The following MAP3K21 variants were observed in gnomAD, a reference collection of about 807,000 sequenced individuals.
The protein encoded by MAP3K21 is mitogen-activated protein kinase kinase kinase 21, also known as mitogen-activated protein kinase kinase kinase MLK4.
A neutral mutation model predicts 86.1 loss-of-function variants in MAP3K21; 63 were observed. The observed-to-expected ratio is 0.73, with a 90% CI of 0.60 to 0.90. The LOEUF is 0.90. MAP3K21 is among the 40% of genes least tolerant of loss of function. The pLI is 0.00. For synonymous variants in MAP3K21, 558 were observed against 564.8 expected (o/e 0.99, Z 0.17); for missense variants, 1,220 against 1,367.7 (o/e 0.89, Z 1.70).
chr1:233,358,001 C>G (rs970039231), intron 4 of MAP3K21, among the ~76,000 whole-genome samples: 3 of 151,870 alleles, frequency 2.0e-5, no homozygotes, highest in Admixed American at 6.6e-5. Flanking sequence ...CCCTCACCCC[C>G]CACCAGGAAC....
intron 4 of MAP3K21, among the ~76,000 whole-genome samples, chr1:233,358,423 AC>A (rs1663403927): frequency 6.7e-6 from 1 of 149,784 alleles, no homozygotes; most frequent in Non-Finnish European, 1.5e-5. Flanking sequence ...TTTCTTGGAA[AC>A]TTTTATGCAC....
In MAP3K21 at chr1:233,379,620, C is replaced by A. The variant is rs1338553845; in HGVS notation, c.2614C>A (p.Gln872Lys). The change falls in exon 9 of 10, where the codon CAG becomes AAG. Residue 872 changes from glutamine (Q) to lysine (K), a missense_variant. Transcript: ENST00000366624. ...AAACTTGCCGTCTTCCTTCCTACAG[C>A]AGACATGTGGGAATGTACCTTACTG... ...SRNLPSSFLQ[Q>K]TCGNVPYCAS... 6.2e-7 allele frequency: 1 copy of A among 1,613,542 alleles called. No individual in the cohort carries two copies. The highest frequency in any genetic ancestry group is 1.3e-5 in the African/African-American group (1 of 74,932).
chr1:233,378,161 T>C lies in MAP3K21; in HGVS notation c.1925-770T>C, dbSNP rs182561804. ...CATGTTTAGGTATACTAGGATGTAG[T>C]GTTGGAAAAAATTAGAGATGTTATT... On this transcript the variant is annotated intron_variant, in intron 8 of 9. Transcript: ENST00000366624. Among the ~76,000 whole-genome samples the C allele has an allele frequency of 8.5e-5, 13 of 152,328 alleles. No homozygotes were observed. The East Asian group carries it at 2.1e-3, about 25-fold the overall frequency.
intron 9 of MAP3K21, 151 bp from the exon 10 acceptor site, chr1:233,382,154 A>G (rs1342568286): frequency 2.9e-6 from 2 of 700,568 alleles, no homozygotes; most frequent in Non-Finnish European, 4.7e-6. Flanking sequence ...GCAGTGTGCT[A>G]TGATCATGCC....
intron 2 of MAP3K21, 139 bp from the exon 3 acceptor site, chr1:233,353,668 T>C: frequency 1.4e-6 from 1 of 696,764 alleles, no homozygotes; most frequent in Non-Finnish European, 2.1e-6. Context: ...CCTTGGGATG[T>C]CAGCCATTTA....
rs1663790621 is a variant in MAP3K21 at position 233,376,069 on chromosome 1, A to C, written c.1826+3A>C. On this transcript the variant is annotated splice_donor_region_variant and intron_variant, in intron 7 of 9. Coordinates refer to ENST00000366624, the MANE Select transcript of MAP3K21 (RefSeq NM_032435.3). ...GATAGAACAGATTGCAAAGAAAGGT[A>C]CGTGTGTGGTATCTGGTGGTATTCA... is the stretch of plus-strand genomic sequence containing the variant. 3 of 1,599,276 alleles carry C rather than the reference A, an allele frequency of 1.9e-6. No individual in the cohort carries two copies. The highest frequency in any genetic ancestry group is 2.6e-6 in the Non-Finnish European group (3 of 1,176,378).
intron 4 of MAP3K21, among the ~76,000 whole-genome samples, chr1:233,358,481 T>G (rs974971417): frequency 1.3e-4 from 20 of 151,908 alleles, no homozygotes; most frequent in Non-Finnish European, 8.8e-5. Context: ...TTGTTTTTTT[T>G]TTTTTTAACA....
intron 1 of MAP3K21, among the ~76,000 whole-genome samples, chr1:233,334,051 G>C (rs1320415895): frequency 1.3e-5 from 2 of 152,066 alleles, no homozygotes; most frequent in African/African-American, 4.8e-5. Context: ...ATTTTTAGTA[G>C]AGATGGGGTT....
At chr1:233,365,518 T>C (rs1365102551) in intron 5 of MAP3K21, among the ~76,000 whole-genome samples, 1 of 152,114 alleles carries the variant, frequency 6.6e-6, no homozygotes, top group Non-Finnish European at 1.5e-5. Flanking sequence ...AGCAAGCATA[T>C]GAAAAAATGC....
chr1:233,351,884 T>A (rs2102752240), intron 2 of MAP3K21, among the ~76,000 whole-genome samples: 1 of 152,204 alleles, frequency 6.6e-6, no homozygotes, highest in African/African-American at 2.4e-5. Flanking sequence ...TTTAATTAAT[T>A]TTTATTTTAT....
At chr1:233,351,081 C>T (rs1663244083) in intron 2 of MAP3K21, among the ~76,000 whole-genome samples, 1 of 144,144 alleles carries the variant, frequency 6.9e-6, no homozygotes, top group South Asian at 2.3e-4. Flanking sequence ...TGAATTTAGA[C>T]AATTTTAGTT....
chr1:233,335,163 G>A (rs539746538), intron 1 of MAP3K21, among the ~76,000 whole-genome samples: 19 of 152,084 alleles, frequency 1.2e-4, no homozygotes, highest in South Asian at 1.2e-3. Context: ...CAGGGCTCCC[G>A]AAAAATAGAA....
At chr1:233,352,274 G>A (rs1558455636) in intron 2 of MAP3K21, among the ~76,000 whole-genome samples, 1 of 152,132 alleles carries the variant, frequency 6.6e-6, no homozygotes, top group Non-Finnish European at 1.5e-5. Flanking sequence ...GATCGGATCA[G>A]GGTAATTAGC....
Position 233,383,542 on chromosome 1 carries a change from A to G in MAP3K21, c.*831A>G, listed in dbSNP as rs1214105424. ...TTCCTATAGAAAACATTCTTCCTCC[A>G]TCAGTAGCCCTTTATTTGATATTCA... On this transcript the variant is annotated 3_prime_UTR_variant, in exon 10 of 10. Coordinates refer to ENST00000366624, the MANE Select transcript of MAP3K21 (RefSeq NM_032435.3). 2 of 152,000 alleles carry G rather than the reference A, an allele frequency of 1.3e-5. No individual in the cohort carries two copies. The highest frequency in any genetic ancestry group is 3.9e-4 in the East Asian group (2 of 5,162). 9.4% of individuals were successfully genotyped at this position (152,000 alleles called of 1,614,324 possible).
At chr1:233,330,236 C>T (rs1572235700) in intron 1 of MAP3K21, among the ~76,000 whole-genome samples, 2 of 152,162 alleles carry the variant, frequency 1.3e-5, no homozygotes, top group South Asian at 4.1e-4. Flanking sequence ...GATCCTCCTT[C>T]CCCCCAAGTC....
In MAP3K21 at chr1:233,378,878, T is replaced by G. The variant is rs923939920; in HGVS notation, c.1925-53T>G. ...GCTTTATTTTACAATCTTGTTTAAA[T>G]GACTTTTGCTGTAAAATGATACTAC... is the stretch of plus-strand genomic sequence containing the variant. On this transcript the variant is annotated intron_variant, in intron 8 of 9. Transcript: ENST00000366624. The G allele has an allele frequency of 4.8e-6, 6 of 1,251,370 alleles. No homozygotes were observed. The African/African-American group carries it at 9.0e-5, about 19-fold the overall frequency. 77.5% of individuals were successfully genotyped at this position (1,251,370 alleles called of 1,614,324 possible). A position where few individuals can be genotyped will look rare whatever the true frequency, so the allele number is the denominator to read the frequency against.
chr1:233,356,574 G>A (rs1663362729), intron 4 of MAP3K21, among the ~76,000 whole-genome samples: 1 of 152,154 alleles, frequency 6.6e-6, no homozygotes, highest in Non-Finnish European at 1.5e-5. Context: ...ATATGACTCA[G>A]CTGTTCCACT....
chr1:233,375,151 C>T (rs535208063), intron 6 of MAP3K21, among the ~76,000 whole-genome samples: 1 of 152,096 alleles, frequency 6.6e-6, no homozygotes, highest in Admixed American at 6.6e-5. Context: ...ACCATGTTGG[C>T]CAGGCTGGTC....
chr1:233,346,204 C>T (rs1572243392), intron 1 of MAP3K21, among the ~76,000 whole-genome samples: 1 of 152,124 alleles, frequency 6.6e-6, no homozygotes, highest in African/African-American at 2.4e-5. Context: ...TTTACTTTCT[C>T]AGAAAGAGAA....
Sources: allele counts gnomAD v4.1 joint callset (sites outside exome capture counted in the v4.1 genomes callset), GRCh38; gene constraint gnomAD v4.1.1; transcripts MANE v1.5; gene names NCBI Gene and HGNC (gene_info 2026-07-23, HGNC 2026-07-21).